RAB6B: variants seen among roughly 807,000 people sequenced by gnomAD.
The protein encoded by RAB6B is ras-related protein Rab-6B.
In RAB6B, 7 loss-of-function variants were observed where a neutral mutation model predicts 31.2. The observed-to-expected ratio is 0.22, with a 90% CI of 0.13 to 0.42. The LOEUF (loss-of-function observed/expected upper bound fraction) is 0.42, where lower values mean the gene tolerates loss of function less well. Ranked by LOEUF, RAB6B falls within the 10% of genes least tolerant of loss-of-function variation. The probability of loss-of-function intolerance (pLI) is 1.00; values close to 1 mark genes in which losing one functional copy is unlikely to be tolerated. For synonymous variants in RAB6B, 105 were observed against 104.9 expected, an observed-to-expected ratio of 1.00 and a Z score of -0.01; for missense variants, 149 against 280.6, an observed-to-expected ratio of 0.53 and a Z score of 3.35.
At chr3:133,865,005 C>T (rs1299087367) in intron 1 of RAB6B, among the ~76,000 whole-genome samples, 1 of 152,248 alleles carries the variant, frequency 6.6e-6, no homozygotes, top group Non-Finnish European at 1.5e-5. Context: ...CAGGAGGCTC[C>T]TCTCGTACTT....
intron 1 of RAB6B, among the ~76,000 whole-genome samples, chr3:133,866,819 A>T (rs924200249): frequency 5.3e-5 from 8 of 152,232 alleles, no homozygotes; most frequent in African/African-American, 4.8e-5. Context: ...CCTTTTTGAA[A>T]GGGAGTGGAA....
rs1316054975 is a variant in RAB6B at position 133,825,899 on chromosome 3, A to T, written c.*2889T>A. On this transcript the variant is annotated 3_prime_UTR_variant, in exon 8 of 8. Coordinates refer to ENST00000285208, the MANE Select transcript of RAB6B (RefSeq NM_016577.4). ...ATTTGCCCTCTGCTAACCCATCTGG[A>T]TTCAGCAAAGATGCAATGCTCTTGC... 3 of 152,216 alleles carry T rather than the reference A, an allele frequency of 2.0e-5. No individual in the cohort carries two copies. In the East Asian group the frequency reaches 5.8e-4, roughly 29 times the overall value. 9.4% of individuals were successfully genotyped at this position (152,216 alleles called of 1,614,324 possible). A position where few individuals can be genotyped will look rare whatever the true frequency, so the allele number is the denominator to read the frequency against.
Position 133,846,140 on chromosome 3 carries a change from T to G in RAB6B, c.130-4477A>C, listed in dbSNP as rs553595646. On this transcript the variant is annotated intron_variant, in intron 2 of 7. Coordinates refer to ENST00000285208, the MANE Select transcript of RAB6B (RefSeq NM_016577.4). ...CAAGCACTCCTAGGACAATATCAAG[T>G]GAGCTGACATAAATGGCAATTGGAA... Among the ~76,000 whole-genome samples, 8 of 152,158 alleles carry G rather than the reference T, an allele frequency of 5.3e-5. No homozygotes were observed. In the East Asian group the frequency reaches 1.5e-3, roughly 29 times the overall value.
intron 2 of RAB6B, among the ~76,000 whole-genome samples, chr3:133,849,740 A>AT (rs1935952163): frequency 1.3e-5 from 2 of 152,202 alleles, no homozygotes; most frequent in Non-Finnish European, 2.9e-5. Context: ...GGGGTCACAA[A>AT]CTATCTGGCT....
intron 2 of RAB6B, among the ~76,000 whole-genome samples, chr3:133,842,209 G>A (rs554136272): frequency 5.3e-5 from 8 of 152,312 alleles, no homozygotes; most frequent in Non-Finnish European, 8.8e-5. Context: ...GTGGCCTCTC[G>A]CTGGGAGGCC....
At chr3:133,888,491 A>G (rs1936585611) in intron 1 of RAB6B, among the ~76,000 whole-genome samples, 4 of 152,216 alleles carry the variant, frequency 2.6e-5, no homozygotes. Flanking sequence ...CTGCCTCCTC[A>G]GGACTTGGGC....
At position 133,827,496 on chromosome 3, in the gene RAB6B, G is replaced by C. The variant is rs981115507; in HGVS notation, c.*1292C>G. 17 of 196,438 alleles carry C rather than the reference G, an allele frequency of 8.7e-5. No individual in the cohort carries two copies. Among genetic ancestry groups the C allele is most frequent in the Admixed American group, 8.0e-4 (14 of 17,462 alleles). 12.2% of individuals were successfully genotyped at this position (196,438 alleles called of 1,614,324 possible). The stretch of plus-strand genomic sequence containing the variant: ...TCAGGACTAAGCCATTCTCAGGAAT[G>C]AATCAAAAATGGAAGAGATGGCTCT... On this transcript the variant is annotated 3_prime_UTR_variant, in exon 8 of 8. Coordinates refer to ENST00000285208, the MANE Select transcript of RAB6B (RefSeq NM_016577.4).
At chr3:133,874,123 C>T (rs372824409) in intron 1 of RAB6B, among the ~76,000 whole-genome samples, 1 of 152,162 alleles carries the variant, frequency 6.6e-6, no homozygotes, top group Non-Finnish European at 1.5e-5. Flanking sequence ...GGCAGGCACA[C>T]TGGTGTGAAT....
rs753506513 is a variant in RAB6B, at chr3:133,841,364, A to G, written c.210T>C (p.Ala70=). 1.2e-6 allele frequency: 2 copies of G among 1,614,108 alleles called. No individual in the cohort carries two copies. The highest frequency in any genetic ancestry group is 3.3e-5 in the Admixed American group (2 of 60,028). The change falls in exon 4 of 8, where the codon GCT becomes GCC. Residue 70 remains alanine, a synonymous_variant. Coordinates refer to ENST00000285208, the MANE Select transcript of RAB6B (RefSeq NM_016577.4). ...TCAGGCTGCGGAACCTCTCCTGACC[A>G]GCTGTGTCCCAGAGCTGCAGTCGCA... The part of the protein sequence containing the change: ...RTVRLQLWDT[A]GQERFRSLIP...
In RAB6B at chr3:133,828,199, C is replaced by CAA; in HGVS notation, c.*587_*588dup. The CAA allele has an allele frequency of 1.7e-6, 1 of 576,880 alleles. No homozygotes were observed. The highest frequency in any genetic ancestry group is 3.1e-6 in the Non-Finnish European group (1 of 324,122). 35.7% of individuals were successfully genotyped at this position (576,880 alleles called of 1,614,324 possible). A position where few individuals can be genotyped will look rare whatever the true frequency, so the allele number is the denominator to read the frequency against. Reference sequence around the variant, plus strand: ...ACGACCCACTCTGGCCATGGAAAGACAAGAGTCAGAGCTACCTTTTCAGAG... The same window carrying CAA: ...ACGACCCACTCTGGCCATGGAAAGACAAAAGAGTCAGAGCTACCTTTTCAGAG... On this transcript the variant is annotated 3_prime_UTR_variant, in exon 8 of 8. Transcript: ENST00000285208.
intron 1 of RAB6B, chr3:133,894,475 A>T (rs539053634): frequency 2.0e-5 from 3 of 152,460 alleles, no homozygotes; most frequent in African/African-American, 7.2e-5. Context: ...GCCGACTGCC[A>T]GGGTGACCTC....
chr3:133,863,865 A>G (rs1936196968), intron 2 of RAB6B, among the ~76,000 whole-genome samples: 1 of 152,224 alleles, frequency 6.6e-6, no homozygotes, highest in Non-Finnish European at 1.5e-5. Flanking sequence ...GCAAAAAGCT[A>G]TAATTGCATG....
intron 1 of RAB6B, among the ~76,000 whole-genome samples, chr3:133,865,867 C>A (rs1045412441): frequency 1.3e-5 from 2 of 152,320 alleles, no homozygotes; most frequent in South Asian, 4.1e-4. Context: ...CTCCCAGCAG[C>A]CAGCATTTGC....
At chr3:133,841,180 A>C in intron 4 of RAB6B, 105 bp downstream of exon 4, 1 of 1,028,394 alleles carries the variant, frequency 9.7e-7, no homozygotes, top group East Asian at 2.5e-5. Context: ...ATGCGTGTGC[A>C]CACACATGCG....
chr3:133,857,610 G>A (rs117640271), intron 2 of RAB6B, among the ~76,000 whole-genome samples: 16 of 152,198 alleles, frequency 1.1e-4, no homozygotes, highest in East Asian at 3.9e-4. Context: ...CTCTGCCTCC[G>A]TTCTACATTC....
chr3:133,887,714 G>A (rs922212991), intron 1 of RAB6B, among the ~76,000 whole-genome samples: 1 of 152,186 alleles, frequency 6.6e-6, no homozygotes, highest in Admixed American at 6.5e-5. Context: ...TAGAATCAGG[G>A]TCTTCAGGGC....
At chr3:133,852,133 A>G (rs976386141) in intron 2 of RAB6B, among the ~76,000 whole-genome samples, 2 of 152,208 alleles carry the variant, frequency 1.3e-5, no homozygotes, top group East Asian at 1.9e-4. Context: ...ATCAAAGCCA[A>G]TGGTGCTCCT....
At chr3:133,853,023 C>T (rs1936009892) in intron 2 of RAB6B, among the ~76,000 whole-genome samples, 1 of 152,198 alleles carries the variant, frequency 6.6e-6, no homozygotes, top group African/African-American at 2.4e-5. Flanking sequence ...AGTTTTTCCT[C>T]CTCTGCATCT....
intron 1 of RAB6B, among the ~76,000 whole-genome samples, chr3:133,865,210 T>C (rs1385019049): frequency 1.3e-5 from 2 of 152,196 alleles, no homozygotes; most frequent in Non-Finnish European, 2.9e-5. Flanking sequence ...CATTGCAGGA[T>C]GTTTAGCATA....
Sources: allele counts gnomAD v4.1 joint callset (sites outside exome capture counted in the v4.1 genomes callset), GRCh38; gene constraint gnomAD v4.1.1; transcripts MANE v1.5; gene names NCBI Gene and HGNC (gene_info 2026-07-23, HGNC 2026-07-21).